The following CNIH4 variants were observed in gnomAD, a reference collection of about 807,000 sequenced individuals.
The protein encoded by CNIH4 is protein cornichon homolog 4.
CNIH4 carries 9 observed loss-of-function variants against 21.5 expected under a neutral mutation model. The observed-to-expected ratio is 0.42, with a 90% CI of 0.25 to 0.73. The LOEUF (loss-of-function observed/expected upper bound fraction) is 0.73, where lower values mean the gene tolerates loss of function less well. Among genes scored for constraint, CNIH4 ranks in the 30% least tolerant of loss-of-function variants. The pLI, the probability that CNIH4 is intolerant of heterozygous loss-of-function variation, is 0.27. For synonymous variants in CNIH4, 67 were observed against 59.1 expected (o/e 1.13, Z -0.61); for missense variants, 159 against 170.0 (o/e 0.94, Z 0.36).
At position 224,364,403 on chromosome 1, in the gene CNIH4, T is replaced by G. The variant is rs571926314; in HGVS notation, c.139-1476T>G. Reference sequence around the variant, plus strand: ...GCTGACATTTTATTGAGTGCCTACTTTGCATGTGGCTTACATGTTATTTCA... The same window carrying G: ...GCTGACATTTTATTGAGTGCCTACTGTGCATGTGGCTTACATGTTATTTCA... On this transcript the variant is annotated intron_variant, in intron 2 of 4. Transcript: ENST00000465271. 126 of 980,616 alleles carry G rather than the reference T, an allele frequency of 1.3e-4. No individual in the cohort carries two copies. In the Middle Eastern group the frequency reaches 1.6e-3, roughly 12 times the overall value. The allele number at this position is 980,616 out of a possible 1,614,324, so 60.7% of individuals were successfully genotyped here.
rs1276175334 is a variant in CNIH4 at position 224,379,200 on chromosome 1, ACAGT to A, written c.*3379_*3382del. 6 of 1,129,672 alleles carry A rather than the reference ACAGT, an allele frequency of 5.3e-6. No individual in the cohort carries two copies. The highest frequency in any genetic ancestry group is 7.8e-6 in the Non-Finnish European group (6 of 766,488). The allele number at this position is 1,129,672 out of a possible 1,614,324, so 70.0% of individuals were successfully genotyped here. ...TGCCTTTTCATGCCTGCCACAGACT[ACAGT>A]AGGACAAAACCTGACCTGGTCTTTG... On this transcript the variant is annotated 3_prime_UTR_variant, in exon 5 of 5. Transcript: ENST00000465271.
intron 2 of CNIH4, among the ~76,000 whole-genome samples, chr1:224,362,448 T>A: frequency 6.6e-6 from 1 of 150,974 alleles, no homozygotes; most frequent in Non-Finnish European, 1.5e-5. Flanking sequence ...ATCTTTATCC[T>A]TGGTGTTTTG....
Position 224,356,979 on chromosome 1 carries a change from C to T in CNIH4, c.55C>T (p.Leu19Phe), listed in dbSNP as rs1477713911. 4.3e-6 allele frequency: 7 copies of T among 1,612,260 alleles called. No homozygotes were observed. Among genetic ancestry groups the T allele is most frequent in the Admixed American group, 3.3e-5 (2 of 59,798 alleles). Residue 19 changes from leucine to phenylalanine, a missense_variant, in exon 1 of 5, where the codon CTC becomes TTC. Leu to Phe is a conservative substitution (Grantham distance 22). Transcript: ENST00000465271. ...CCTCGATTGTTGCGCGCTCATCTTC[C>T]TCTCGGTCTACTTCGTATCCTTGCC... ...SLLDCCALIF[L>F]SVYFIITLSD...
chr1:224,361,483 C>T (rs1211665968), intron 2 of CNIH4, among the ~76,000 whole-genome samples: 1 of 151,594 alleles, frequency 6.6e-6, no homozygotes, highest in Admixed American at 6.6e-5. Context: ...TGGCTTTGAA[C>T]TCCTGGCCTT....
chr1:224,359,966 T>C (rs533727114), intron 1 of CNIH4, among the ~76,000 whole-genome samples: 41 of 152,156 alleles, frequency 2.7e-4, no homozygotes, highest in African/African-American at 9.9e-4. Flanking sequence ...ACCCCGTCTC[T>C]ACTAAAAATA....
intron 2 of CNIH4, among the ~76,000 whole-genome samples, chr1:224,364,951 G>T (rs980601605): frequency 7.3e-5 from 11 of 151,310 alleles, no homozygotes; most frequent in African/African-American, 2.7e-4. Flanking sequence ...CAAGTTGATT[G>T]CAAATTAGGT....
intron 2 of CNIH4, chr1:224,364,181 G>A (rs1172531805): frequency 4.1e-6 from 4 of 982,594 alleles, no homozygotes; most frequent in African/African-American, 3.5e-5. Context: ...TGAGCCCAGC[G>A]GTTCGAGACC....
chr1:224,358,471 C>G (rs1672180431), intron 1 of CNIH4, among the ~76,000 whole-genome samples: 1 of 152,212 alleles, frequency 6.6e-6, no homozygotes, highest in Non-Finnish European at 1.5e-5. Context: ...GGAACTAGAG[C>G]AAGCTTGTCC....
intron 3 of CNIH4, among the ~76,000 whole-genome samples, chr1:224,366,254 C>T (rs1033156496): frequency 6.6e-6 from 1 of 152,108 alleles, no homozygotes; most frequent in African/African-American, 2.4e-5. Flanking sequence ...GTTGGCCCGG[C>T]TGGTCTTGAA....
intron 2 of CNIH4, among the ~76,000 whole-genome samples, chr1:224,365,600 C>G (rs115406137): frequency 1.3e-5 from 2 of 152,104 alleles, no homozygotes; most frequent in Non-Finnish European, 2.9e-5. Flanking sequence ...CTTTTTTTCT[C>G]TAGTTCTCAT....
At chr1:224,370,026 T>C (rs777308489) in intron 3 of CNIH4, among the ~76,000 whole-genome samples, 4 of 151,976 alleles carry the variant, frequency 2.6e-5, no homozygotes, top group Non-Finnish European at 4.4e-5. Context: ...ATCTCTCATA[T>C]AACCCATAAA....
Position 224,365,924 on chromosome 1 carries a change from C to T in CNIH4, c.184C>T (p.Leu62=), listed in dbSNP as rs569063391. ...TGGCCATACCATTGTCACTGTATTA[C>T]TGCTCATGTCATTGCACTGGTTCAT... ...LIGHTIVTVL[L]LMSLHWFIFL... The change falls in exon 3 of 5, where the codon CTG becomes TTG. Residue 62 remains leucine, a synonymous_variant. Transcript: ENST00000465271. 2 of 1,613,254 alleles carry T rather than the reference C, an allele frequency of 1.2e-6. No homozygotes were observed. Among genetic ancestry groups the T allele is most frequent in the East Asian group, 2.2e-5 (1 of 44,876 alleles).
chr1:224,373,268 C>A (rs952228175), intron 4 of CNIH4, among the ~76,000 whole-genome samples: 2 of 152,086 alleles, frequency 1.3e-5, no homozygotes, highest in African/African-American at 4.8e-5. Context: ...TATATGTTCC[C>A]TTATATTTGT....
In CNIH4 at chr1:224,376,764, A is replaced by G. The variant is rs776216454; in HGVS notation, c.*942A>G. 1 of 984,642 alleles carries G rather than the reference A, an allele frequency of 1.0e-6. No individual in the cohort carries two copies. The highest frequency in any genetic ancestry group is 4.7e-5 in the South Asian group (1 of 21,270). 61.0% of individuals were successfully genotyped at this position (984,642 alleles called of 1,614,324 possible). ...AGCCATTTCATGGACATAGCAATAT[A>G]CAACCAAACTCTGTTCCTTGGAGTT... On this transcript the variant is annotated 3_prime_UTR_variant, in exon 5 of 5. Transcript: ENST00000465271.
rs374552940 is a variant in CNIH4 at position 224,362,174 on chromosome 1, G to A, written c.138+1611G>A. On this transcript the variant is annotated intron_variant, in intron 2 of 4. Coordinates refer to ENST00000465271, the MANE Select transcript of CNIH4 (RefSeq NM_014184.4). Reference sequence around the variant, plus strand: ...TGGCTCACTGCAAGCTCTGCCTCCCGGGTTCATGCTATTCTCCTGCCTCAG... The same window carrying A: ...TGGCTCACTGCAAGCTCTGCCTCCCAGGTTCATGCTATTCTCCTGCCTCAG... Among the ~76,000 whole-genome samples, 7 of 149,766 alleles carry A rather than the reference G, an allele frequency of 4.7e-5. No homozygotes were observed. In the East Asian group the frequency reaches 1.4e-3, roughly 30 times the overall value.
rs140315644 is a variant in CNIH4 at position 224,362,601 on chromosome 1, C to T, written c.138+2038C>T. 6.6e-5 allele frequency among the ~76,000 whole-genome samples: 10 copies of T among 150,554 alleles called. No individual in the cohort carries two copies. In the East Asian group the frequency reaches 1.2e-3, roughly 18 times the overall value. Reference sequence around the variant, plus strand: ...ACCTCCCCGGTTCACGCCATTCTCCCGCTTCAGCCTCCCGAGTAGCTGGGA... The same window carrying T: ...ACCTCCCCGGTTCACGCCATTCTCCTGCTTCAGCCTCCCGAGTAGCTGGGA... On this transcript the variant is annotated intron_variant, in intron 2 of 4. Transcript: ENST00000465271.
intron 1 of CNIH4, chr1:224,357,621 TGGAAA>T (rs1672155124): frequency 6.6e-6 from 1 of 152,232 alleles, no homozygotes; most frequent in Non-Finnish European, 1.5e-5. Flanking sequence ...TAGTGAGTGT[TGGAAA>T]GGAGTTGTTT....
At chr1:224,357,723 A>T in intron 1 of CNIH4, 1 of 152,198 alleles carries the variant, frequency 6.6e-6, no homozygotes, top group Non-Finnish European at 1.5e-5. Flanking sequence ...TGTAGTTCCC[A>T]ATCGTTTCTC....
Position 224,379,203 on chromosome 1 carries a change from G to A in CNIH4, c.*3381G>A, listed in dbSNP as rs1430690503. On this transcript the variant is annotated 3_prime_UTR_variant, in exon 5 of 5. Transcript: ENST00000465271. ...CTTTTCATGCCTGCCACAGACTACA[G>A]TAGGACAAAACCTGACCTGGTCTTT... is the stretch of plus-strand genomic sequence containing the variant. 31 of 1,121,248 alleles carry A rather than the reference G, an allele frequency of 2.8e-5. No individual in the cohort carries two copies. The highest frequency in any genetic ancestry group is 4.1e-5 in the Non-Finnish European group (31 of 758,924). 69.5% of individuals were successfully genotyped at this position (1,121,248 alleles called of 1,614,324 possible). A position where few individuals can be genotyped will look rare whatever the true frequency, so the allele number is the denominator to read the frequency against.
Sources: gnomAD v4.1 joint callset for allele counts (sites outside exome capture counted in the v4.1 genomes callset) on GRCh38, gnomAD v4.1.1 for gene constraint, MANE v1.5 for transcripts, NCBI Gene and HGNC (gene_info 2026-07-23, HGNC 2026-07-21) for gene names.